The following RHBDD1 variants were observed in gnomAD, a reference collection of about 807,000 sequenced individuals.
RHBDD1 encodes rhomboid domain containing 1, also known as rhomboid-related protein 4.
RHBDD1 carries 38 observed loss-of-function variants against 36.3 expected under a neutral mutation model. The ratio of observed to expected loss-of-function variants is 1.05; its 90% CI spans 0.81 to 1.37. The LOEUF is 1.37. Among genes scored for constraint, RHBDD1 ranks in the 40% most tolerant of loss-of-function variants. The probability of loss-of-function intolerance (pLI) is 0.00; values close to 1 mark genes in which losing one functional copy is unlikely to be tolerated. For missense variants in RHBDD1, 393 were observed against 377.6 expected (o/e 1.04, Z -0.34); for synonymous variants, 151 against 136.5 (o/e 1.11, Z -0.74).
chr2:226,838,405 G>A (rs547126028), intron 2 of RHBDD1, among the ~76,000 whole-genome samples: 3 of 152,248 alleles, frequency 2.0e-5, no homozygotes, highest in Middle Eastern at 3.4e-3. Flanking sequence ...GCTATCTGTG[G>A]TTTTAGGTCA....
the RHBDD1 span, among the ~76,000 whole-genome samples, chr2:226,824,999 T>C: frequency 6.6e-6 from 1 of 152,242 alleles, no homozygotes; most frequent in African/African-American, 2.4e-5. Context: ...ACTGTTATTA[T>C]CACAGACTGA....
intron 5 of RHBDD1, among the ~76,000 whole-genome samples, chr2:226,868,055 T>C (rs1211925617): frequency 6.6e-6 from 1 of 152,218 alleles, no homozygotes; most frequent in Non-Finnish European, 1.5e-5. Flanking sequence ...GTCAATTGTC[T>C]TGGTAGTAGA....
intron 5 of RHBDD1, among the ~76,000 whole-genome samples, chr2:226,897,876 G>A (rs1947243585): frequency 6.6e-6 from 1 of 152,150 alleles, no homozygotes; most frequent in African/African-American, 2.4e-5. Flanking sequence ...TTACTCGGGA[G>A]GCTGAGGCAG....
At chr2:226,989,646 C>T (rs2149544078) in intron 8 of RHBDD1, among the ~76,000 whole-genome samples, 1 of 152,236 alleles carries the variant, frequency 6.6e-6, no homozygotes. Context: ...GAAGTCTGAC[C>T]ATATCTTGTC....
upstream of RHBDD1, among the ~76,000 whole-genome samples, chr2:226,835,064 C>A (rs1166824923): frequency 6.6e-6 from 1 of 152,228 alleles, no homozygotes; most frequent in Non-Finnish European, 1.5e-5. Flanking sequence ...GCGTGGGCCA[C>A]CGCGCCAGGC....
At chr2:226,849,845 T>C (rs1942631345) in intron 3 of RHBDD1, among the ~76,000 whole-genome samples, 1 of 152,276 alleles carries the variant, frequency 6.6e-6, no homozygotes, top group South Asian at 2.1e-4. Flanking sequence ...TCATTCACAG[T>C]GATAGCTCTT....
In RHBDD1 at chr2:226,914,361, T is replaced by C. The variant is rs1417432552; in HGVS notation, c.856+10T>C. On this transcript the variant is annotated intron_variant, in intron 8 of 8. Transcript: ENST00000392062. ...AGCCTCTGGGACCGAGGTAGGAGTC[T>C]TGCGCCCTTCAGTTATTTTAAAGCA... The C allele has an allele frequency of 6.2e-7, 1 of 1,608,924 alleles. No homozygotes were observed. The highest frequency in any genetic ancestry group is 8.5e-7 in the Non-Finnish European group (1 of 1,177,818).
At chr2:226,924,086 C>T (rs528335815) in intron 8 of RHBDD1, among the ~76,000 whole-genome samples, 1 of 152,096 alleles carries the variant, frequency 6.6e-6, no homozygotes, top group Non-Finnish European at 1.5e-5. Context: ...AGTCTCTCCC[C>T]AAAGCCACCA....
chr2:226,913,525 G>A (rs1366659846), intron 7 of RHBDD1, among the ~76,000 whole-genome samples: 1 of 152,106 alleles, frequency 6.6e-6, no homozygotes, highest in Non-Finnish European at 1.5e-5. Context: ...ACTTTTCCCT[G>A]TTATTGACCT....
intron 1 of RHBDD1, chr2:226,837,515 G>C (rs1211448744): frequency 6.6e-6 from 1 of 151,878 alleles, no homozygotes; most frequent in African/African-American, 2.4e-5. Flanking sequence ...TTGAAGAGTA[G>C]TTTTTAATTC....
chr2:226,875,002 GTTAA>G (rs2125330585), intron 5 of RHBDD1, among the ~76,000 whole-genome samples: 1 of 152,260 alleles, frequency 6.6e-6, no homozygotes, highest in Admixed American at 6.5e-5. Context: ...TCCAGGCAGT[GTTAA>G]TTACTTCTTT....
chr2:226,877,863 G>A (rs1157781166), intron 5 of RHBDD1, among the ~76,000 whole-genome samples: 1 of 152,132 alleles, frequency 6.6e-6, no homozygotes, highest in Non-Finnish European at 1.5e-5. Flanking sequence ...AGAGTGCAGT[G>A]ACTATTGGTA....
chr2:226,849,958 C>T (rs985590834), intron 3 of RHBDD1, among the ~76,000 whole-genome samples: 1 of 152,150 alleles, frequency 6.6e-6, no homozygotes, highest in East Asian at 1.9e-4. Flanking sequence ...TCCCTATTCC[C>T]CAGTCAGTGT....
intron 5 of RHBDD1, among the ~76,000 whole-genome samples, chr2:226,904,013 A>G (rs1210616662): frequency 6.6e-6 from 1 of 152,024 alleles, no homozygotes; most frequent in Non-Finnish European, 1.5e-5. Context: ...CTCCCCATCC[A>G]TCCCACTGGG....
chr2:226,954,097 G>A (rs959227120), intron 8 of RHBDD1, among the ~76,000 whole-genome samples: 3 of 152,108 alleles, frequency 2.0e-5, no homozygotes, highest in Non-Finnish European at 2.9e-5. Context: ...CCATGTTTCC[G>A]GTGCTGTGCT....
At chr2:226,895,838 T>G in intron 5 of RHBDD1, 1 of 983,918 alleles carries the variant, frequency 1.0e-6, no homozygotes, top group Non-Finnish European at 1.2e-6. Context: ...ATCCACCACA[T>G]TGATGAGAGA....
At chr2:226,916,171 T>A (rs144935637) in intron 8 of RHBDD1, among the ~76,000 whole-genome samples, 130 of 152,328 alleles carry the variant, frequency 8.5e-4, no homozygotes, top group African/African-American at 3.0e-3. Flanking sequence ...CTGAAGCAGG[T>A]AACAAGACCA....
rs1331860885 is a variant in RHBDD1 at position 226,971,747 on chromosome 2, T to A, written c.857-23684T>A. Among the ~76,000 whole-genome samples the A allele has an allele frequency of 2.0e-5, 3 of 152,310 alleles. No homozygotes were observed. In the South Asian group the frequency reaches 6.2e-4, roughly 32 times the overall value. ...TTTGTTTTCTTTAGAATACTGGACA[T>A]TTGCTCTAAGTTATCTGTCATGTAA... On this transcript the variant is annotated intron_variant, in intron 8 of 8. Coordinates refer to ENST00000392062, the MANE Select transcript of RHBDD1 (RefSeq NM_001167608.3).
In RHBDD1 at chr2:226,914,365, G is replaced by T; in HGVS notation, c.856+14G>T. ...TCTGGGACCGAGGTAGGAGTCTTGC[G>T]CCCTTCAGTTATTTTAAAGCATACC... On this transcript the variant is annotated intron_variant, in intron 8 of 8. Coordinates refer to ENST00000392062, the MANE Select transcript of RHBDD1 (RefSeq NM_001167608.3). 1 of 1,607,466 alleles carries T rather than the reference G, an allele frequency of 6.2e-7. No individual in the cohort carries two copies. The highest frequency in any genetic ancestry group is 8.5e-7 in the Non-Finnish European group (1 of 1,177,156).
Sources: allele counts gnomAD v4.1 joint callset (sites outside exome capture counted in the v4.1 genomes callset), GRCh38; gene constraint gnomAD v4.1.1; transcripts MANE v1.5; gene names NCBI Gene and HGNC (gene_info 2026-07-23, HGNC 2026-07-21).